Variants in KCNQ5 observed in about 807,000 individuals in gnomAD.
KCNQ5 encodes the protein potassium voltage-gated channel subfamily KQT member 5.
In KCNQ5, 30 loss-of-function variants were observed where a neutral mutation model predicts 98.2. The observed-to-expected ratio is 0.31, with a 90% CI of 0.23 to 0.41. The LOEUF is 0.41. KCNQ5 is among the 10% of genes least tolerant of loss of function. The pLI is 1.00. For missense variants in KCNQ5, 835 were observed against 1,182.5 expected (o/e 0.71, Z 4.31); for synonymous variants, 458 against 449.4 (o/e 1.02, Z -0.24).
At chr6:72,856,926 G>C (rs947203567) in intron 1 of KCNQ5, among the ~76,000 whole-genome samples, 1 of 152,170 alleles carries the variant, frequency 6.6e-6, no homozygotes, top group Non-Finnish European at 1.5e-5. Flanking sequence ...GAATGCTGGG[G>C]ATATGCCTGA....
At chr6:72,870,754 A>G (rs1395949224) in intron 1 of KCNQ5, among the ~76,000 whole-genome samples, 2 of 152,188 alleles carry the variant, frequency 1.3e-5, no homozygotes, top group Non-Finnish European at 2.9e-5. Flanking sequence ...CCTATACCTA[A>G]CATGTAACCA....
intron 1 of KCNQ5, among the ~76,000 whole-genome samples, chr6:72,790,400 G>A (rs1773975748): frequency 6.6e-6 from 1 of 152,170 alleles, no homozygotes; most frequent in Admixed American, 6.5e-5. Flanking sequence ...GCCAGGCACA[G>A]AAAGACAAAC....
At chr6:72,835,300 C>T (rs1309615818) in intron 1 of KCNQ5, among the ~76,000 whole-genome samples, 2 of 152,110 alleles carry the variant, frequency 1.3e-5, no homozygotes, top group Admixed American at 1.3e-4. Flanking sequence ...AAGAAGAAAC[C>T]TATTTACTCT....
At chr6:72,670,016 T>C (rs186828931) in intron 1 of KCNQ5, among the ~76,000 whole-genome samples, 5 of 152,116 alleles carry the variant, frequency 3.3e-5, no homozygotes, top group African/African-American at 1.2e-4. Context: ...CTCTTTCCTC[T>C]TGAATTTGAC....
At chr6:72,742,603 G>C (rs1466922295) in intron 1 of KCNQ5, among the ~76,000 whole-genome samples, 1 of 152,128 alleles carries the variant, frequency 6.6e-6, no homozygotes, top group Non-Finnish European at 1.5e-5. Flanking sequence ...ACATGCATTT[G>C]TTACTAATAT....
At chr6:72,763,590 A>G (rs1772400627) in intron 1 of KCNQ5, among the ~76,000 whole-genome samples, 1 of 152,064 alleles carries the variant, frequency 6.6e-6, no homozygotes. Context: ...ATACCTTAGT[A>G]TTTGAAAATG....
chr6:72,729,066 G>T lies in KCNQ5; in HGVS notation c.398+106479G>T, dbSNP rs1770425695. ...TTTTTTTCACTTAATATATATCATAGATTTTTCCATATCAGTGCATTAAGA... is the reference window on the plus strand; with the variant it reads ...TTTTTTTCACTTAATATATATCATATATTTTTCCATATCAGTGCATTAAGA... On this transcript the variant is annotated intron_variant, in intron 1 of 13. Coordinates refer to ENST00000370398, the MANE Select transcript of KCNQ5 (RefSeq NM_019842.4). 2.0e-5 allele frequency among the ~76,000 whole-genome samples: 3 copies of T among 152,036 alleles called. No individual in the cohort carries two copies. In the South Asian group the frequency reaches 6.2e-4, roughly 32 times the overall value.
intron 1 of KCNQ5, among the ~76,000 whole-genome samples, chr6:72,695,220 G>C (rs1768423844): frequency 6.6e-6 from 1 of 152,092 alleles, no homozygotes; most frequent in South Asian, 2.1e-4. Context: ...CAAGATATTT[G>C]TACACATAAA....
At chr6:72,911,951 C>T (rs1016915253) in intron 1 of KCNQ5, among the ~76,000 whole-genome samples, 5 of 152,114 alleles carry the variant, frequency 3.3e-5, no homozygotes, top group Non-Finnish European at 7.4e-5. Flanking sequence ...GAGGCTTGCC[C>T]ATTTATTTTC....
chr6:72,673,305 A>G (rs545702963), intron 1 of KCNQ5, among the ~76,000 whole-genome samples: 3 of 152,150 alleles, frequency 2.0e-5, no homozygotes, highest in African/African-American at 7.2e-5. Flanking sequence ...ACAGAAGAAG[A>G]AGCAAGCAGT....
At chr6:72,936,073 T>C (rs1191046284) in intron 1 of KCNQ5, among the ~76,000 whole-genome samples, 1 of 152,234 alleles carries the variant, frequency 6.6e-6, no homozygotes, top group African/African-American at 2.4e-5. Context: ...TTTGCTTCTC[T>C]GATCTCCAGA....
chr6:72,739,985 T>C (rs1404489564), intron 1 of KCNQ5, among the ~76,000 whole-genome samples: 1 of 152,220 alleles, frequency 6.6e-6, no homozygotes, highest in East Asian at 1.9e-4. Flanking sequence ...AGGTCAGGAC[T>C]GTAGGCAAGA....
At chr6:73,133,067 C>A (rs1776298311) in intron 9 of KCNQ5, among the ~76,000 whole-genome samples, 1 of 152,152 alleles carries the variant, frequency 6.6e-6, no homozygotes, top group South Asian at 2.1e-4. Context: ...TTTTAAATCT[C>A]AAAAGTTGAG....
At chr6:72,918,431 AG>A (rs575723024) in intron 1 of KCNQ5, among the ~76,000 whole-genome samples, 11 of 152,140 alleles carry the variant, frequency 7.2e-5, no homozygotes, top group Admixed American at 2.6e-4. Context: ...TGTGCTCAAA[AG>A]TCTCTGAACA....
At chr6:73,125,677 C>T (rs1488714592) in intron 9 of KCNQ5, among the ~76,000 whole-genome samples, 1 of 151,906 alleles carries the variant, frequency 6.6e-6, no homozygotes, top group African/African-American at 2.4e-5. Context: ...TCCATTTTTG[C>T]ATTATGTTTA....
At chr6:73,186,332 C>A (rs939106296) in intron 11 of KCNQ5, among the ~76,000 whole-genome samples, 4 of 152,324 alleles carry the variant, frequency 2.6e-5, no homozygotes, top group Non-Finnish European at 5.9e-5. Flanking sequence ...CACTTTGAAT[C>A]TCTTTAATGT....
intron 1 of KCNQ5, among the ~76,000 whole-genome samples, chr6:72,695,577 A>C (rs1446871378): frequency 6.6e-6 from 1 of 152,120 alleles, no homozygotes; most frequent in African/African-American, 2.4e-5. Context: ...ATGTAACAAC[A>C]CTTCTCAGAA....
At chr6:72,724,127 G>T (rs1770135335) in intron 1 of KCNQ5, among the ~76,000 whole-genome samples, 1 of 151,974 alleles carries the variant, frequency 6.6e-6, no homozygotes. Flanking sequence ...TTATTTTAGA[G>T]AGTCTTGGAA....
intron 1 of KCNQ5, among the ~76,000 whole-genome samples, chr6:72,713,908 G>T (rs1769503947): frequency 6.6e-6 from 1 of 152,124 alleles, no homozygotes; most frequent in South Asian, 2.1e-4. Context: ...AGTCTACCTG[G>T]ATCCTGTGTT....
Sources: allele counts gnomAD v4.1 joint callset (sites outside exome capture counted in the v4.1 genomes callset), GRCh38; gene constraint gnomAD v4.1.1; transcripts MANE v1.5; gene names NCBI Gene and HGNC (gene_info 2026-07-23, HGNC 2026-07-21).